Variants in ASAP1 observed in about 807,000 individuals in gnomAD.
ASAP1 encodes the protein arf-GAP with SH3 domain, ANK repeat and PH domain-containing protein 1.
ASAP1 carries 43 observed loss-of-function variants against 145.2 expected under a neutral mutation model. The observed-to-expected ratio is 0.30, with a 90% CI of 0.23 to 0.38. ASAP1 has a LOEUF of 0.38. Among genes scored for constraint, ASAP1 ranks in the 10% least tolerant of loss-of-function variants. The pLI, the probability that ASAP1 is intolerant of heterozygous loss-of-function variation, is 1.00. For synonymous variants in ASAP1, 546 were observed against 515.5 expected, an observed-to-expected ratio of 1.06 and a Z score of -0.80; for missense variants, 1,018 against 1,355.3, an observed-to-expected ratio of 0.75 and a Z score of 3.91.
At chr8:130,098,403 G>A (rs1218611314) in intron 24 of ASAP1, among the ~76,000 whole-genome samples, 1 of 152,176 alleles carries the variant, frequency 6.6e-6, no homozygotes, top group Non-Finnish European at 1.5e-5. Flanking sequence ...GAGTGCAGTG[G>A]CATGATCTTA....
intron 3 of ASAP1, among the ~76,000 whole-genome samples, chr8:130,285,157 C>T (rs1175808522): frequency 6.6e-6 from 1 of 151,892 alleles, no homozygotes; most frequent in African/African-American, 2.4e-5. Flanking sequence ...ACTTGGCAAC[C>T]CACATTCATT....
intron 8 of ASAP1, 124 bp from the exon 9 acceptor site, chr8:130,179,473 C>A: frequency 1.7e-6 from 1 of 580,240 alleles, no homozygotes. Context: ...GTCCTTTAGA[C>A]AGTTTAGAGA....
chr8:130,357,123 A>G (rs1826362368), intron 3 of ASAP1, among the ~76,000 whole-genome samples: 2 of 152,144 alleles, frequency 1.3e-5, no homozygotes, highest in African/African-American at 4.8e-5. Flanking sequence ...CTTGGCTTTC[A>G]GGTTCCTCTT....
chr8:130,168,222 C>T (rs917851615), intron 10 of ASAP1, among the ~76,000 whole-genome samples: 2 of 152,066 alleles, frequency 1.3e-5, no homozygotes, highest in Non-Finnish European at 2.9e-5. Flanking sequence ...ATAATATATA[C>T]GCTTTTATTT....
chr8:130,058,111 T>C (rs1431583067), intron 28 of ASAP1, 35 bp from the exon 29 acceptor site: 1 of 1,604,264 alleles, frequency 6.2e-7, no homozygotes, highest in Non-Finnish European at 8.5e-7. Flanking sequence ...ATTGAAAGAA[T>C]GGACTGAATG....
At chr8:130,116,421 C>G (rs2097556086) in intron 22 of ASAP1, among the ~76,000 whole-genome samples, 1 of 152,206 alleles carries the variant, frequency 6.6e-6, no homozygotes, top group African/African-American at 2.4e-5. Context: ...AAAAGCATGA[C>G]CTCAATGCAC....
At chr8:130,063,595 T>C (rs998646843) in intron 27 of ASAP1, among the ~76,000 whole-genome samples, 1 of 152,108 alleles carries the variant, frequency 6.6e-6, no homozygotes, top group African/African-American at 2.4e-5. Flanking sequence ...ACTGGCCTTC[T>C]TGAGACCTGC....
At chr8:130,077,125 G>C (rs985711165) in intron 26 of ASAP1, among the ~76,000 whole-genome samples, 6 of 152,266 alleles carry the variant, frequency 3.9e-5, no homozygotes, top group Admixed American at 2.6e-4. Context: ...GTGGAAATTC[G>C]GCCCTAGCTC....
At chr8:130,394,693 C>T (rs1400076640) in intron 2 of ASAP1, among the ~76,000 whole-genome samples, 1 of 152,118 alleles carries the variant, frequency 6.6e-6, no homozygotes, top group Non-Finnish European at 1.5e-5. Flanking sequence ...TGTGATGTCT[C>T]CCCAGGACAC....
At chr8:130,404,546 C>A (rs1049817288) in intron 1 of ASAP1, among the ~76,000 whole-genome samples, 2 of 152,216 alleles carry the variant, frequency 1.3e-5, no homozygotes, top group African/African-American at 4.8e-5. Flanking sequence ...GTATCTGTTA[C>A]TTGCATACAT....
Position 130,358,750 on chromosome 8 carries a change from C to T in ASAP1, c.60-607G>A, listed in dbSNP as rs1826532747. On this transcript the variant is annotated intron_variant, in intron 2 of 29. Coordinates refer to ENST00000518721, the MANE Select transcript of ASAP1 (RefSeq NM_018482.4). This position sits in a 1 kb window ranked among gnomAD's most constrained non-coding sequence, Gnocchi z 4.1. The stretch of plus-strand genomic sequence containing the variant: ...CCCCGCCCCCGGCCCGGCCCCCGCC[C>T]CGCCCCGCCCCCGCTCGCGCACAGC... Among the ~76,000 whole-genome samples the T allele has an allele frequency of 7.0e-6, 1 of 143,752 alleles. No homozygotes were observed. Among genetic ancestry groups the T allele is most frequent in the East Asian group, 2.1e-4 (1 of 4,854 alleles). The allele number at this position is 143,752 out of a possible 152,430, so 94.3% of individuals were successfully genotyped here.
At chr8:130,346,025 G>A (rs952799514) in intron 3 of ASAP1, among the ~76,000 whole-genome samples, 1 of 152,206 alleles carries the variant, frequency 6.6e-6, no homozygotes, top group African/African-American at 2.4e-5. Context: ...AAAGCCCAGA[G>A]AGGTAGACTT....
chr8:130,172,577 A>C (rs1299731181), intron 9 of ASAP1, among the ~76,000 whole-genome samples: 1 of 152,164 alleles, frequency 6.6e-6, no homozygotes, highest in Non-Finnish European at 1.5e-5. Context: ...TTAAATGAAA[A>C]ATTCTGTTCC....
At chr8:130,231,594 C>T (rs1240200407) in intron 4 of ASAP1, among the ~76,000 whole-genome samples, 2 of 152,078 alleles carry the variant, frequency 1.3e-5, no homozygotes, top group African/African-American at 4.8e-5. Flanking sequence ...CACTTTAACA[C>T]AGAAAAAGAC....
At chr8:130,152,146 A>G (rs2097647895) in intron 13 of ASAP1, among the ~76,000 whole-genome samples, 1 of 152,218 alleles carries the variant, frequency 6.6e-6, no homozygotes, top group African/African-American at 2.4e-5. Flanking sequence ...CCCCAAGGAC[A>G]TCACTTGGCA....
At chr8:130,438,717 G>A (rs1830397850) in intron 1 of ASAP1, among the ~76,000 whole-genome samples, 1 of 152,184 alleles carries the variant, frequency 6.6e-6, no homozygotes. Flanking sequence ...AGAATGCACA[G>A]TGAAATAAAT....
chr8:130,169,522 G>C (rs928000720), intron 9 of ASAP1, among the ~76,000 whole-genome samples: 5 of 152,184 alleles, frequency 3.3e-5, no homozygotes, highest in Non-Finnish European at 5.9e-5. Flanking sequence ...CAGGAGAAAA[G>C]TCAAAATTCA....
chr8:130,417,016 C>T (rs1049557218), intron 1 of ASAP1, among the ~76,000 whole-genome samples: 2 of 152,244 alleles, frequency 1.3e-5, no homozygotes, highest in African/African-American at 2.4e-5. Context: ...TGCATACACG[C>T]ATATGGACAC....
intron 1 of ASAP1, among the ~76,000 whole-genome samples, chr8:130,410,760 A>T (rs1026544095): frequency 1.3e-5 from 2 of 152,244 alleles, no homozygotes; most frequent in African/African-American, 4.8e-5. Context: ...AGCAAAGAGG[A>T]GAGCCCTTGG....
Sources: gnomAD v4.1 joint callset for allele counts (sites outside exome capture counted in the v4.1 genomes callset) on GRCh38, gnomAD v4.1.1 for gene constraint, Gnocchi (gnomAD v3.1) non-coding constraint, MANE v1.5 for transcripts, NCBI Gene and HGNC (gene_info 2026-07-23, HGNC 2026-07-21) for gene names.